Variants in LARGE1 observed in about 807,000 individuals in gnomAD.
LARGE1 encodes the protein LARGE xylosyl- and glucuronyltransferase 1, also known as xylosyl- and glucuronyltransferase LARGE1.
Under a neutral mutation model 87.6 loss-of-function variants are expected in LARGE1, and 43 were observed. The ratio of observed to expected loss-of-function variants is 0.49; its 90% confidence interval spans 0.38 to 0.63. The LOEUF (loss-of-function observed/expected upper bound fraction) is 0.63, where lower values mean the gene tolerates loss of function less well. Ranked by LOEUF, LARGE1 falls within the 30% of genes least tolerant of loss-of-function variation. The pLI is 0.00. For synonymous variants in LARGE1, 434 were observed against 394.6 expected (o/e 1.10, Z -1.18); for missense variants, 802 against 1,000.2 (o/e 0.80, Z 2.67).
intron 12 of LARGE1, among the ~76,000 whole-genome samples, chr22:33,303,948 G>A (rs1388451529): frequency 6.6e-6 from 1 of 152,220 alleles, no homozygotes; most frequent in Non-Finnish European, 1.5e-5. Context: ...TTTCATAGAT[G>A]CTACAGAAAA....
chr22:33,825,592 AACTC>A (rs747843537), intron 1 of LARGE1, among the ~76,000 whole-genome samples: 9 of 152,134 alleles, frequency 5.9e-5, no homozygotes, highest in Non-Finnish European at 1.3e-4. Flanking sequence ...ATCTCGTGAG[AACTC>A]ACTCACTGTC....
chr22:33,414,703 T>A (rs2066425432), intron 7 of LARGE1, among the ~76,000 whole-genome samples: 1 of 152,188 alleles, frequency 6.6e-6, no homozygotes, highest in Non-Finnish European at 1.5e-5. Context: ...AATCCATATG[T>A]TGAAATCCTA....
At chr22:33,085,815 G>A in the LARGE1 span, among the ~76,000 whole-genome samples, 81 of 152,234 alleles carry the variant, frequency 5.3e-4, no homozygotes, top group East Asian at 0.015. Flanking sequence ...GTTTATATGA[G>A]TGTGATATTG....
chr22:33,814,336 T>A (rs931811883), intron 1 of LARGE1, among the ~76,000 whole-genome samples: 1 of 152,038 alleles, frequency 6.6e-6, no homozygotes, highest in African/African-American at 2.4e-5. Flanking sequence ...CCCAACAGGG[T>A]CAAATACTTT....
intron 5 of LARGE1, among the ~76,000 whole-genome samples, chr22:33,598,706 T>C (rs1014347656): frequency 2.0e-5 from 3 of 152,242 alleles, no homozygotes; most frequent in Non-Finnish European, 4.4e-5. Context: ...CATGAACTTA[T>C]CCTTTTTAAA....
chr22:33,529,134 G>C (rs1380551434), intron 6 of LARGE1, among the ~76,000 whole-genome samples: 1 of 152,096 alleles, frequency 6.6e-6, no homozygotes, highest in African/African-American at 2.4e-5. Flanking sequence ...TTAGCCAAAG[G>C]AAACTCTATA....
chr22:33,211,681 G>A (rs1432467416), intron 11 of LARGE1, among the ~76,000 whole-genome samples: 4 of 152,156 alleles, frequency 2.6e-5, no homozygotes, highest in Non-Finnish European at 5.9e-5. Flanking sequence ...GCTGAGGCAC[G>A]AGAATTGCTT....
At chr22:33,181,692 G>C (rs137370) in intron 11 of LARGE1, among the ~76,000 whole-genome samples, 152,041 of 152,042 alleles carry the variant, frequency 1, 76,020 homozygotes, top group Non-Finnish European at 1. Flanking sequence ...CCACACCCGG[G>C]TAATTTTTTG....
At chr22:33,711,878 CTT>C (rs1391372981) in intron 2 of LARGE1, among the ~76,000 whole-genome samples, 1 of 152,120 alleles carries the variant, frequency 6.6e-6, no homozygotes, top group East Asian at 1.9e-4. Flanking sequence ...GTAGGTCACT[CTT>C]GAACTCCCGG....
chr22:33,862,561 T>A (rs1432755358), intron 1 of LARGE1, among the ~76,000 whole-genome samples: 3 of 152,136 alleles, frequency 2.0e-5, no homozygotes, highest in African/African-American at 7.2e-5. Flanking sequence ...CCTGACACTG[T>A]GACCGCCAGG....
At chr22:33,580,242 T>C (rs928784238) in intron 5 of LARGE1, among the ~76,000 whole-genome samples, 1 of 151,962 alleles carries the variant, frequency 6.6e-6, no homozygotes. Context: ...TGGTGGTGCA[T>C]GCCTGTAATC....
At chr22:33,373,013 A>G (rs2064870904) in intron 9 of LARGE1, among the ~76,000 whole-genome samples, 1 of 152,226 alleles carries the variant, frequency 6.6e-6, no homozygotes, top group South Asian at 2.1e-4. Flanking sequence ...TTTGTCTTAA[A>G]GTAAAATGAC....
At chr22:33,684,353 C>A (rs2081878766) in intron 2 of LARGE1, among the ~76,000 whole-genome samples, 1 of 151,960 alleles carries the variant, frequency 6.6e-6, no homozygotes, top group Admixed American at 6.6e-5. Context: ...TAGAGAAGGG[C>A]CTCAGCCTCG....
chr22:33,487,462 C>A (rs1036537149), intron 6 of LARGE1, among the ~76,000 whole-genome samples: 1 of 152,114 alleles, frequency 6.6e-6, no homozygotes, highest in Middle Eastern at 3.2e-3. Context: ...AGTATCTACT[C>A]CTCTGCTTGC....
intron 6 of LARGE1, among the ~76,000 whole-genome samples, chr22:33,506,965 A>G (rs932703613): frequency 6.6e-6 from 1 of 152,186 alleles, no homozygotes; most frequent in Admixed American, 6.5e-5. Context: ...CCCAGACTTC[A>G]TGTCAGCTAT....
At chr22:33,183,636 A>G (rs62234379) in intron 11 of LARGE1, among the ~76,000 whole-genome samples, 48,505 of 150,158 alleles carry the variant, frequency 0.32, 8,165 homozygotes, top group Non-Finnish European at 0.37. Context: ...ACACACACAC[A>G]CACACACACA....
chr22:33,253,695 G>A (rs1927116837), intron 11 of LARGE1, among the ~76,000 whole-genome samples: 1 of 152,192 alleles, frequency 6.6e-6, no homozygotes, highest in Non-Finnish European at 1.5e-5. Context: ...CTGGACGACA[G>A]AGCGAGACTC....
chr22:33,377,925 A>G (rs1424578049), intron 9 of LARGE1, among the ~76,000 whole-genome samples: 2 of 152,200 alleles, frequency 1.3e-5, no homozygotes, highest in African/African-American at 2.4e-5. Flanking sequence ...TCATTTTTTG[A>G]GAATCTACTA....
intron 10 of LARGE1, 125 bp from the exon 11 acceptor site, chr22:33,316,373 C>A: frequency 1.2e-6 from 1 of 817,158 alleles, no homozygotes; most frequent in Non-Finnish European, 2.0e-6. Context: ...ATGGGTCTGA[C>A]GTACATGGAA....
Sources: gnomAD v4.1 joint callset for allele counts (sites outside exome capture counted in the v4.1 genomes callset) on GRCh38, gnomAD v4.1.1 for gene constraint, MANE v1.5 for transcripts, NCBI Gene and HGNC (gene_info 2026-07-23, HGNC 2026-07-21) for gene names.